GALK2: variants seen among roughly 807,000 people sequenced by gnomAD.
GALK2 encodes N-acetylgalactosamine kinase.
GALK2 carries 36 observed loss-of-function variants against 52.4 expected under a neutral mutation model. That is an observed-to-expected ratio of 0.69 (90% CI 0.53 to 0.91). The LOEUF (loss-of-function observed/expected upper bound fraction) is 0.91. GALK2 is among the 40% of genes least tolerant of loss of function. GALK2 has a pLI of 0.00. For missense variants in GALK2, 579 were observed against 559.1 expected, an observed-to-expected ratio of 1.04 and a Z score of -0.36; for synonymous variants, 176 against 199.1, an observed-to-expected ratio of 0.88 and a Z score of 0.98.
At chr15:49,256,651 G>A (rs1478737626) in intron 5 of GALK2, among the ~76,000 whole-genome samples, 1 of 152,150 alleles carries the variant, frequency 6.6e-6, no homozygotes, top group Non-Finnish European at 1.5e-5. Flanking sequence ...TTAGCCAGAT[G>A]TAATTGGTTA....
intron 3 of GALK2, among the ~76,000 whole-genome samples, chr15:49,355,066 C>T (rs1234809465): frequency 6.6e-6 from 1 of 150,600 alleles, no homozygotes. Context: ...ACAGAAAGGA[C>T]ATCCACACCA....
At chr15:49,288,345 AAG>A (rs970736648) in intron 7 of GALK2, among the ~76,000 whole-genome samples, 2 of 152,180 alleles carry the variant, frequency 1.3e-5, no homozygotes, top group Non-Finnish European at 2.9e-5. Context: ...GAAGCAGTGA[AAG>A]AGAGAGTTTC....
intron 5 of GALK2, among the ~76,000 whole-genome samples, chr15:49,254,866 A>T (rs1187581247): frequency 6.9e-6 from 1 of 144,370 alleles, no homozygotes; most frequent in South Asian, 2.2e-4. Context: ...ACCACTTAAA[A>T]TTTTTTTCCA....
chr15:49,334,222 C>G (rs1300997075), downstream of GALK2: 1 of 980,722 alleles, frequency 1.0e-6, no homozygotes, highest in Non-Finnish European at 1.2e-6. Flanking sequence ...ACAAACCTAT[C>G]AAGCTCCTTG....
chr15:49,289,685 CCA>C (rs1422435397), intron 7 of GALK2, among the ~76,000 whole-genome samples: 1 of 152,090 alleles, frequency 6.6e-6, no homozygotes, highest in Non-Finnish European at 1.5e-5. Context: ...CTCAGCGGGC[CCA>C]GACTCACCTG....
In GALK2 at chr15:49,217,179, C is replaced by T. The variant is rs1179314778; in HGVS notation, c.143-11C>T. On this transcript the variant is annotated splice_polypyrimidine_tract_variant and intron_variant, in intron 2 of 9. Transcript: ENST00000560031. ...TTAGCAATGATTAAAAAAGCTTTCT[C>T]TTTTTTCTAGGAGAGCATATAGATT... 5.0e-6 allele frequency: 8 copies of T among 1,602,158 alleles called. No homozygotes were observed. Among genetic ancestry groups the T allele is most frequent in the Middle Eastern group, 1.7e-4 (1 of 6,002 alleles).
chr15:49,241,792 C>A (rs4393519), intron 5 of GALK2, among the ~76,000 whole-genome samples: 1 of 151,962 alleles, frequency 6.6e-6, no homozygotes, highest in Non-Finnish European at 1.5e-5. Flanking sequence ...ATATACCTAT[C>A]TAAGAAATAG....
rs541927985 is a variant in GALK2 at position 49,185,321 on chromosome 15, A to G, written c.53+14946A>G. ...AAAGAATATGGTATTACTCTTTTTT[A>G]TGGCTGTGTAGTATTACAGGGTGTT... On this transcript the variant is annotated intron_variant, in intron 1 of 9. Transcript: ENST00000560031. Among the ~76,000 whole-genome samples, 4 of 152,178 alleles carry G rather than the reference A, an allele frequency of 2.6e-5. No individual in the cohort carries two copies. The East Asian group carries it at 7.7e-4, about 29-fold the overall frequency.
intron 1 of GALK2, among the ~76,000 whole-genome samples, chr15:49,192,485 G>GTATATATATGTGTATATATATATA (rs1555400548): frequency 9.7e-6 from 1 of 102,976 alleles, no homozygotes; most frequent in Non-Finnish European, 1.9e-5. Context: ...ATATATATAT[G>GTATATATATGTGTATATATATATA]TATATATATA....
At chr15:49,318,520 T>A (rs1371466650) in intron 8 of GALK2, among the ~76,000 whole-genome samples, 3 of 152,180 alleles carry the variant, frequency 2.0e-5, no homozygotes, top group Non-Finnish European at 4.4e-5. Flanking sequence ...TGCCTTAGAA[T>A]CTGAGTTTTG....
intron 5 of GALK2, among the ~76,000 whole-genome samples, chr15:49,256,795 G>C (rs185654812): frequency 6.6e-6 from 1 of 152,172 alleles, no homozygotes; most frequent in Admixed American, 6.6e-5. Context: ...GACCATCATG[G>C]GGTTTTCAAG....
chr15:49,286,808 TC>T (rs1263053750), intron 7 of GALK2, among the ~76,000 whole-genome samples: 3 of 152,156 alleles, frequency 2.0e-5, no homozygotes, highest in Non-Finnish European at 4.4e-5. Context: ...GAGGGCTTAG[TC>T]TTGTTGACCT....
chr15:49,278,224 GTAC>G (rs1249103494), intron 5 of GALK2, among the ~76,000 whole-genome samples: 2 of 152,204 alleles, frequency 1.3e-5, no homozygotes, highest in Non-Finnish European at 2.9e-5. Flanking sequence ...TCGCACCACT[GTAC>G]TCCAGCCCGG....
At chr15:49,300,759 T>C (rs2163097) in intron 8 of GALK2, among the ~76,000 whole-genome samples, 9,184 of 152,186 alleles carry the variant, frequency 0.06, 552 homozygotes, top group African/African-American at 0.15. Flanking sequence ...TGAAGAAGGA[T>C]ATGTTTGCTT....
intron 6 of GALK2, among the ~76,000 whole-genome samples, chr15:49,282,882 T>C (rs1418658029): frequency 6.6e-6 from 1 of 152,218 alleles, no homozygotes; most frequent in Non-Finnish European, 1.5e-5. Context: ...TTGGGTGTTT[T>C]GGATGAGACG....
intron 3 of GALK2, among the ~76,000 whole-genome samples, chr15:49,358,113 A>T (rs541039610): frequency 6.6e-6 from 1 of 152,004 alleles, no homozygotes; most frequent in East Asian, 1.9e-4. Flanking sequence ...TATCTATGAC[A>T]AACCCACAGC....
chr15:49,276,144 T>C (rs2031616923), intron 5 of GALK2, among the ~76,000 whole-genome samples: 1 of 152,214 alleles, frequency 6.6e-6, no homozygotes, highest in South Asian at 2.1e-4. Context: ...ATTAGGGTTT[T>C]GAAAGAAGGG....
intron 5 of GALK2, among the ~76,000 whole-genome samples, chr15:49,246,711 G>T (rs972463774): frequency 1.3e-5 from 2 of 152,166 alleles, no homozygotes; most frequent in African/African-American, 2.4e-5. Flanking sequence ...GGAACCTGGG[G>T]AATCTCTTAG....
chr15:49,312,271 C>T (rs1286487460), intron 8 of GALK2, among the ~76,000 whole-genome samples: 1 of 152,212 alleles, frequency 6.6e-6, no homozygotes, highest in Non-Finnish European at 1.5e-5. Context: ...TGTGAGTGGG[C>T]ACCATCCAAC....
Sources: gnomAD v4.1 joint callset for allele counts (sites outside exome capture counted in the v4.1 genomes callset) on GRCh38, gnomAD v4.1.1 for gene constraint, MANE v1.5 for transcripts, NCBI Gene and HGNC (gene_info 2026-07-23, HGNC 2026-07-21) for gene names.